The following CCDC6 variants were observed in gnomAD, a reference collection of about 807,000 sequenced individuals.
CCDC6 encodes the protein coiled-coil domain containing 6.
A neutral mutation model predicts 56.6 loss-of-function variants in CCDC6; 20 were observed. That is an observed-to-expected ratio of 0.35 (90% CI 0.25 to 0.51). The LOEUF is 0.51. Ranked by LOEUF, CCDC6 falls within the 20% of genes least tolerant of loss-of-function variation. CCDC6 has a pLI of 0.95. For synonymous variants in CCDC6, 241 were observed against 234.4 expected (o/e 1.03, Z -0.26); for missense variants, 367 against 601.1 (o/e 0.61, Z 4.07).
chr10:59,880,584 A>C (rs2071325115), intron 1 of CCDC6, among the ~76,000 whole-genome samples: 1 of 152,204 alleles, frequency 6.6e-6, no homozygotes, highest in African/African-American at 2.4e-5. Context: ...CAAGTTACAC[A>C]TGTGCCTTCA....
chr10:59,858,515 GAT>G (rs1260046809), intron 1 of CCDC6, among the ~76,000 whole-genome samples: 5 of 152,268 alleles, frequency 3.3e-5, no homozygotes, highest in Non-Finnish European at 7.4e-5. Flanking sequence ...TGACTTTCTG[GAT>G]AAGAATTCTT....
intron 1 of CCDC6, among the ~76,000 whole-genome samples, chr10:59,886,159 T>C (rs2071381854): frequency 6.6e-6 from 1 of 152,008 alleles, no homozygotes; most frequent in South Asian, 2.1e-4. Context: ...GCAGGGGAAA[T>C]GGAAAATACT....
intron 2 of CCDC6, among the ~76,000 whole-genome samples, chr10:59,844,760 AAAAG>A (rs1297474884): frequency 1.1e-4 from 10 of 89,118 alleles, no homozygotes; most frequent in Non-Finnish European, 1.7e-4. Flanking sequence ...AAAAAAAAAA[AAAAG>A]AGAGAGAGAG....
chr10:59,822,632 T>A, intron 3 of CCDC6, among the ~76,000 whole-genome samples: 1 of 152,150 alleles, frequency 6.6e-6, no homozygotes, highest in East Asian at 1.9e-4. Flanking sequence ...TGGTGGTGCA[T>A]GTCTGTAATC....
chr10:59,850,904 T>C (rs2071033285), intron 2 of CCDC6, among the ~76,000 whole-genome samples: 1 of 152,040 alleles, frequency 6.6e-6, no homozygotes, highest in Non-Finnish European at 1.5e-5. Context: ...TTTTTTATGT[T>C]TTCATTCTTA....
chr10:59,797,886 C>A (rs1188241729), intron 7 of CCDC6, among the ~76,000 whole-genome samples: 1 of 152,036 alleles, frequency 6.6e-6, no homozygotes, highest in Non-Finnish European at 1.5e-5. Context: ...GGATCATCTC[C>A]ACTGTGTTTT....
intron 1 of CCDC6, among the ~76,000 whole-genome samples, chr10:59,876,073 C>CTTTTTTTTTTTTTTTTTTTT (rs1172379933): frequency 1.0e-5 from 1 of 97,584 alleles, no homozygotes; most frequent in Non-Finnish European, 1.9e-5. Context: ...GCACAGATGT[C>CTTTTTTTTTTTTTTTTTTTT]TTTTTTTTTT....
chr10:59,806,915 C>T lies in CCDC6; in HGVS notation c.1004+7G>A, dbSNP rs1317888869. ...ACAAAAACAAGGCTCATAAGACATG[C>T]ACACACCTTTCGTCGTCCATTTCTA... On this transcript the variant is annotated splice_region_variant and intron_variant, in intron 6 of 8. Coordinates refer to ENST00000263102, the MANE Select transcript of CCDC6 (RefSeq NM_005436.5). The T allele has an allele frequency of 6.2e-7, 1 of 1,613,036 alleles. No individual in the cohort carries two copies. The highest frequency in any genetic ancestry group is 1.1e-5 in the South Asian group (1 of 91,002).
At chr10:59,829,352 A>T (rs2070815931) in intron 3 of CCDC6, among the ~76,000 whole-genome samples, 1 of 152,258 alleles carries the variant, frequency 6.6e-6, no homozygotes, top group Non-Finnish European at 1.5e-5. Flanking sequence ...GGATTATTTT[A>T]AAATTACATT....
intron 2 of CCDC6, among the ~76,000 whole-genome samples, chr10:59,837,796 C>T (rs1054025410): frequency 1.5e-5 from 2 of 129,812 alleles, no homozygotes; most frequent in Admixed American, 7.4e-5. Flanking sequence ...TTGAGAGGCC[C>T]CCAGCTTTGT....
intron 1 of CCDC6, among the ~76,000 whole-genome samples, chr10:59,873,052 C>T (rs1215442437): frequency 6.6e-6 from 1 of 152,036 alleles, no homozygotes; most frequent in African/African-American, 2.4e-5. Flanking sequence ...ACTTAGCATG[C>T]CTGTTCACAT....
intron 7 of CCDC6, among the ~76,000 whole-genome samples, chr10:59,803,331 A>C (rs556214240): frequency 6.6e-6 from 1 of 151,928 alleles, no homozygotes; most frequent in East Asian, 1.9e-4. Flanking sequence ...AAAAAAAAAA[A>C]GTTAATGGCA....
intron 1 of CCDC6, among the ~76,000 whole-genome samples, chr10:59,877,818 G>C (rs1360235761): frequency 6.6e-6 from 1 of 152,170 alleles, no homozygotes; most frequent in Admixed American, 6.5e-5. Flanking sequence ...TTGTTCATCA[G>C]GGTAACCAGA....
At chr10:59,804,990 G>T (rs2070608235) in intron 6 of CCDC6, 1 of 163,358 alleles carries the variant, frequency 6.1e-6, no homozygotes, top group Non-Finnish European at 1.3e-5. Flanking sequence ...AGTATCAACT[G>T]TTTACAAGCA....
chr10:59,864,663 C>T (rs2071162134), intron 1 of CCDC6, among the ~76,000 whole-genome samples: 1 of 152,116 alleles, frequency 6.6e-6, no homozygotes, highest in African/African-American at 2.4e-5. Flanking sequence ...TGTCATTACT[C>T]TATGGGTTAA....
intron 1 of CCDC6, among the ~76,000 whole-genome samples, chr10:59,904,568 C>T (rs893517103): frequency 3.9e-5 from 6 of 152,196 alleles, no homozygotes; most frequent in Admixed American, 2.6e-4. Context: ...TCTTAACCCC[C>T]ACTCAGCAAA....
At position 59,804,774 on chromosome 10, in the gene CCDC6, A is replaced by G. The variant is rs549714040; in HGVS notation, c.1005-254T>C. ...GCTCAGGATGGAAGCCAGGTGAAAG[A>G]GGTGCACCACACCACAGAGAGGACC... On this transcript the variant is annotated intron_variant, in intron 6 of 8. Coordinates refer to ENST00000263102, the MANE Select transcript of CCDC6 (RefSeq NM_005436.5). The G allele has an allele frequency of 9.5e-6, 4 of 422,980 alleles. No homozygotes were observed. In the South Asian group the frequency reaches 1.0e-4, roughly 11 times the overall value. 26.2% of individuals were successfully genotyped at this position (422,980 alleles called of 1,614,324 possible).
chr10:59,847,603 G>A (rs2071003993), intron 2 of CCDC6, among the ~76,000 whole-genome samples: 1 of 152,100 alleles, frequency 6.6e-6, no homozygotes, highest in Non-Finnish European at 1.5e-5. Context: ...CTAAGTCAAA[G>A]AAACAGAAGG....
In CCDC6 at chr10:59,791,360, CT is replaced by C. The variant is rs34992845; in HGVS notation, c.*1556del. The C allele has an allele frequency of 0.032, 6,070 of 191,288 alleles. 268 individuals carry two copies. Among genetic ancestry groups the C allele is most frequent in the African/African-American group, 0.11 (4,800 of 42,774 alleles). The allele number at this position is 191,288 out of a possible 1,614,324, so 11.8% of individuals were successfully genotyped here. On this transcript the variant is annotated 3_prime_UTR_variant, in exon 9 of 9. Coordinates refer to ENST00000263102, the MANE Select transcript of CCDC6 (RefSeq NM_005436.5). ...AGTCAAACACTATTATCCAACAAGA[CT>C]TTTTTTTTTCATTCTGTTAACTCTT... is the stretch of plus-strand genomic sequence containing the variant.
Sources: gnomAD v4.1 joint callset for allele counts (sites outside exome capture counted in the v4.1 genomes callset) on GRCh38, gnomAD v4.1.1 for gene constraint, MANE v1.5 for transcripts, NCBI Gene and HGNC (gene_info 2026-07-23, HGNC 2026-07-21) for gene names.